GPKOW: variants seen among roughly 807,000 people sequenced by gnomAD.
GPKOW encodes the protein G-patch domain and KOW motifs.
For missense variants in GPKOW, 359 were observed against 404.7 expected, an observed-to-expected ratio of 0.89 and a Z score of 0.97; for synonymous variants, 167 against 159.1, an observed-to-expected ratio of 1.05 and a Z score of -0.37.
intron 4 of GPKOW, among the ~76,000 whole-genome samples, chrX:49,119,021 G>A (rs1478080844): frequency 9.8e-6 from 1 of 101,588 alleles, no homozygotes; most frequent in African/African-American, 3.6e-5. Flanking sequence ...GTGCAATTTC[G>A]GCTCACTGCA....
chrX:49,115,882 G>C lies in GPKOW; in HGVS notation c.1140+9C>G, dbSNP rs1557090158. 1 of 1,210,451 alleles carries C rather than the reference G, an allele frequency of 8.3e-7. No individual in the cohort carries two copies. The highest frequency in any genetic ancestry group is 1.7e-5 in the African/African-American group (1 of 57,876). ...AGAGGGAGGGGGACTCAGGCTGCAG[G>C]GTTCCCACCTTGGTGTTGTAATATT... On this transcript the variant is annotated intron_variant, in intron 8 of 10. Transcript: ENST00000156109.
intron 3 of GPKOW, among the ~76,000 whole-genome samples, chrX:49,121,449 C>T (rs782725596): frequency 9.0e-6 from 1 of 110,603 alleles, no homozygotes; most frequent in Non-Finnish European, 1.9e-5. Context: ...AACAAACAAA[C>T]AAAAAAATGT....
intron 6 of GPKOW, 120 bp downstream of exon 6, chrX:49,116,910 A>G (rs781936164): frequency 3.6e-5 from 20 of 550,897 alleles, no homozygotes; most frequent in African/African-American, 6.9e-5. Context: ...TGGAAGTCAT[A>G]TCTGCCAGGC....
In GPKOW at chrX:49,119,795, T is replaced by A; in HGVS notation, c.476A>T (p.Tyr159Phe). Residue 159 changes from tyrosine to phenylalanine, a missense_variant, in exon 4 of 11, where the codon TAT (tyrosine) becomes TTT (phenylalanine). Tyr to Phe is a conservative substitution (Grantham distance 22, BLOSUM62 3). Coordinates refer to ENST00000156109, the MANE Select transcript of GPKOW (RefSeq NM_015698.6). ...RAETVPEEAN[Y>F]EAVPVEAYGL... Reference sequence around the variant, plus strand: ...ATAGGCCTCCACGGGGACCGCCTCATAATTAGCCTCCTCTGGCACCTACAG... The same window carrying A: ...ATAGGCCTCCACGGGGACCGCCTCAAAATTAGCCTCCTCTGGCACCTACAG... 8.5e-7 allele frequency: 1 copy of A among 1,182,124 alleles called. No individual in the cohort carries two copies. Among genetic ancestry groups the A allele is most frequent in the Non-Finnish European group, 1.1e-6 (1 of 869,683 alleles).
At chrX:49,121,363 G>A (rs1765889639) in intron 3 of GPKOW, among the ~76,000 whole-genome samples, 1 of 109,740 alleles carries the variant, frequency 9.1e-6, no homozygotes, top group South Asian at 3.9e-4. Flanking sequence ...AGGACCGGGA[G>A]GTTGCAGTGA....
At chrX:49,121,463 A>G (rs2065212802) in intron 3 of GPKOW, among the ~76,000 whole-genome samples, 2 of 111,364 alleles carry the variant, frequency 1.8e-5, no homozygotes, top group Admixed American at 1.9e-4. Context: ...AAAATGTTGA[A>G]GGAAACCAGG....
At chrX:49,118,518 C>G (rs1363906714) in intron 4 of GPKOW, among the ~76,000 whole-genome samples, 1 of 109,009 alleles carries the variant, frequency 9.2e-6, no homozygotes, top group Non-Finnish European at 1.9e-5. Context: ...GTTGGTAGAT[C>G]ACCTAAGGTC....
In GPKOW at chrX:49,122,653, C is replaced by T; in HGVS notation, c.300G>A (p.Val100=). Residue 100 remains valine, a synonymous_variant, in exon 2 of 11, where the codon GTG becomes GTA. Transcript: ENST00000156109. ...TGAGCTCCTTCACAGCCTGGGACAC[C>T]ACCCCATCCGCCAAGGCCCCAGTAT... ...STDTGALADG[V]VSQAVKELIA... The T allele has an allele frequency of 8.3e-7, 1 of 1,211,467 alleles. No homozygotes were observed. Among genetic ancestry groups the T allele is most frequent in the East Asian group, 3.0e-5 (1 of 33,864 alleles).
At chrX:49,114,414 C>T (rs2065183321) in intron 9 of GPKOW, among the ~76,000 whole-genome samples, 2 of 105,736 alleles carry the variant, frequency 1.9e-5, no homozygotes, top group Admixed American at 2.1e-4. Context: ...GCTGGGATTA[C>T]AGGCATGAGC....
intron 6 of GPKOW, among the ~76,000 whole-genome samples, chrX:49,116,633 C>T (rs1159584741): frequency 9.0e-6 from 1 of 111,588 alleles, no homozygotes; most frequent in Non-Finnish European, 1.9e-5. Context: ...CAAACTGCCC[C>T]GTCCTACCGA....
In GPKOW at chrX:49,115,746, T is replaced by G. The variant is rs2065191110; in HGVS notation, c.1190A>C (p.Asp397Ala). Residue 397 changes from aspartate (D) to alanine (A), a missense_variant, in exon 9 of 11, where the codon GAT becomes GCT. By Grantham distance (126) the Asp-to-Ala change is moderately radical (BLOSUM62 -2). Coordinates refer to ENST00000156109, the MANE Select transcript of GPKOW (RefSeq NM_015698.6). ...CTCACCTTCCAGGACTCGGCCTTCA[T>G]CTGTCCGACATACACAGGTATCTGG... ...LSPDTCVCRT[D>A]EGRVLEGLRE... 2.5e-6 allele frequency: 3 copies of G among 1,207,511 alleles called. No individual in the cohort carries two copies. In the African/African-American group the frequency reaches 5.2e-5, roughly 21 times the overall value.
rs995148593 is a variant in GPKOW, at chrX:49,113,654, C to T, written c.1398G>A (p.Gln466=). Residue 466 remains glutamine, a synonymous_variant, in exon 11 of 11, where the codon CAG becomes CAA. Transcript: ENST00000156109. ...CATCTGTGTCACTAGGGCCCATGTA[C>T]TGGCAGATGGCATCGTAGTGAAGCT... ...VVELHYDAIC[Q]YMGPSDTDDD 1 of 1,210,221 alleles carries T rather than the reference C, an allele frequency of 8.3e-7. No homozygotes were observed. The highest frequency in any genetic ancestry group is 1.8e-5 in the South Asian group (1 of 56,891).
At chrX:49,117,908 T>G in intron 4 of GPKOW, 98 bp from the exon 5 acceptor site, 1 of 424,117 alleles carries the variant, frequency 2.4e-6, no homozygotes, top group Non-Finnish European at 3.6e-6. Context: ...CCCGCCCCAT[T>G]GACATTTTCT....
rs1222735095 is a variant in GPKOW at position 49,119,819 on chromosome X, A to G, written c.457-5T>C. The G allele has an allele frequency of 4.5e-5, 48 of 1,076,936 alleles. No individual in the cohort carries two copies. The highest frequency in any genetic ancestry group is 5.0e-4 in the Middle Eastern group (2 of 4,014). The allele number at this position is 1,076,936 out of a possible 1,213,427, so 88.8% of individuals were successfully genotyped here. A position where few individuals can be genotyped will look rare whatever the true frequency, so the allele number is the denominator to read the frequency against. On this transcript the variant is annotated splice_polypyrimidine_tract_variant and splice_region_variant and intron_variant, in intron 3 of 10. Coordinates refer to ENST00000156109, the MANE Select transcript of GPKOW (RefSeq NM_015698.6). ...ATAATTAGCCTCCTCTGGCACCTACAGGTTCAGGTAGAGGAAGGAGGGTCA... is the reference window on the plus strand; with the variant it reads ...ATAATTAGCCTCCTCTGGCACCTACGGGTTCAGGTAGAGGAAGGAGGGTCA...
rs1455917736 is a variant in GPKOW at position 49,123,713 on chromosome X, A to G, written c.10T>C (p.Ser4Pro). The G allele has an allele frequency of 8.3e-6, 10 of 1,199,832 alleles. No homozygotes were observed. Among genetic ancestry groups the G allele is most frequent in the Non-Finnish European group, 1.1e-5 (10 of 889,982 alleles). ...GTCAGCGGCAAAACACCCTCTTTGGAGTCAGCCATCTTGCTCCTTTTCCCA... is the reference window on the plus strand; with the variant it reads ...GTCAGCGGCAAAACACCCTCTTTGGGGTCAGCCATCTTGCTCCTTTTCCCA... Reference protein sequence around the residue: MADSKEGVLPLTAA... With the variant: MADPKEGVLPLTAA... The change falls in exon 1 of 11, where the codon TCC (serine) becomes CCC (proline). Residue 4 changes from serine to proline, a missense_variant. Ser to Pro is a moderately conservative substitution (Grantham distance 74, BLOSUM62 -1). Transcript: ENST00000156109.
intron 9 of GPKOW, among the ~76,000 whole-genome samples, chrX:49,114,999 G>A (rs931102266): frequency 2.9e-5 from 3 of 103,046 alleles, no homozygotes; most frequent in Non-Finnish European, 3.9e-5. Context: ...ACACCCTGTT[G>A]ACAGATGGGA....
At chrX:49,115,608 G>C (rs908325237) in intron 9 of GPKOW, 118 bp downstream of exon 9, 1 of 534,661 alleles carries the variant, frequency 1.9e-6, no homozygotes, top group Admixed American at 2.7e-5. Context: ...TCTGTAAGAG[G>C]ATGCTAGGCC....
chrX:49,120,056 C>T (rs782549022), intron 3 of GPKOW, among the ~76,000 whole-genome samples: 1 of 112,010 alleles, frequency 8.9e-6, no homozygotes. Context: ...AAGCTGTGAA[C>T]CAAACAGACA....
chrX:49,113,447 T>C lies in GPKOW; in HGVS notation c.*174A>G. Reference sequence around the variant, plus strand: ...TTATTATACCCTAAATTTTGGTAAATATTGGGTTTGTTTCTAGCTTCCCTA... The same window carrying C: ...TTATTATACCCTAAATTTTGGTAAACATTGGGTTTGTTTCTAGCTTCCCTA... On this transcript the variant is annotated 3_prime_UTR_variant, in exon 11 of 11. Transcript: ENST00000156109. The C allele has an allele frequency of 2.2e-6, 1 of 456,308 alleles. No homozygotes were observed. 37.6% of individuals were successfully genotyped at this position (456,308 alleles called of 1,213,427 possible). A position where few individuals can be genotyped will look rare whatever the true frequency, so the allele number is the denominator to read the frequency against.
Sources: allele counts gnomAD v4.1 joint callset (sites outside exome capture counted in the v4.1 genomes callset), GRCh38; gene constraint gnomAD v4.1.1; transcripts MANE v1.5; gene names NCBI Gene and HGNC (gene_info 2026-07-23, HGNC 2026-07-21).